The following SBF2 variants were observed in gnomAD, a reference collection of about 807,000 sequenced individuals.
The protein encoded by SBF2 is myotubularin-related protein 13.
A neutral mutation model predicts 225.2 loss-of-function variants in SBF2; 112 were observed. The ratio of observed to expected loss-of-function variants is 0.50; its 90% CI spans 0.43 to 0.58. SBF2 has a LOEUF of 0.58. Among genes scored for constraint, SBF2 ranks in the 20% least tolerant of loss-of-function variants. SBF2 has a pLI of 0.00. For missense variants in SBF2, 1,996 were observed against 2,206.2 expected, an observed-to-expected ratio of 0.90 and a Z score of 1.91; for synonymous variants, 763 against 773.3, an observed-to-expected ratio of 0.99 and a Z score of 0.22.
chr11:10,170,641 G>A (rs1956146947), intron 2 of SBF2, among the ~76,000 whole-genome samples: 1 of 150,604 alleles, frequency 6.6e-6, no homozygotes, highest in South Asian at 2.1e-4. Flanking sequence ...GTCTTTTTTT[G>A]CCTCCATATA....
intron 13 of SBF2, among the ~76,000 whole-genome samples, chr11:9,975,750 T>C (rs1946651862): frequency 6.6e-6 from 1 of 152,198 alleles, no homozygotes; most frequent in Non-Finnish European, 1.5e-5. Context: ...ATTATCTATA[T>C]AAGTCGTTTA....
intron 3 of SBF2, among the ~76,000 whole-genome samples, chr11:10,033,020 T>A (rs1565155413): frequency 6.6e-6 from 1 of 152,238 alleles, no homozygotes; most frequent in Non-Finnish European, 1.5e-5. Flanking sequence ...ACTATCTGTT[T>A]AGTTTTTGTA....
chr11:9,817,832 G>T (rs1046697345), intron 28 of SBF2, among the ~76,000 whole-genome samples: 1 of 151,962 alleles, frequency 6.6e-6, no homozygotes, highest in Non-Finnish European at 1.5e-5. Context: ...GGAGGTGGAG[G>T]TTGCAGTGAG....
chr11:10,151,282 T>C (rs933770519), intron 2 of SBF2, among the ~76,000 whole-genome samples: 1 of 152,194 alleles, frequency 6.6e-6, no homozygotes, highest in African/African-American at 2.4e-5. Context: ...CGCTCAGCCA[T>C]CTGGATCCAT....
chr11:10,216,910 G>A lies in SBF2; in HGVS notation c.56-22923C>T, dbSNP rs550239051. ...AAAAAAAAGTAGAAAGGGATAAAAA[G>A]TGGAACTCATCTTAAGAAAATGCAA... On this transcript the variant is annotated intron_variant, in intron 1 of 39. Transcript: ENST00000256190. 3.9e-5 allele frequency among the ~76,000 whole-genome samples: 6 copies of A among 152,134 alleles called. No individual in the cohort carries two copies. In the South Asian group the frequency reaches 1.2e-3, roughly 32 times the overall value.
At chr11:10,267,422 T>C (rs1031791869) in intron 1 of SBF2, among the ~76,000 whole-genome samples, 3 of 151,590 alleles carry the variant, frequency 2.0e-5, no homozygotes, top group Non-Finnish European at 2.9e-5. Context: ...TGGCAGTGAC[T>C]GTGAAAACAG....
intron 28 of SBF2, chr11:9,828,326 C>T: frequency 2.5e-6 from 3 of 1,204,306 alleles, no homozygotes; most frequent in Non-Finnish European, 3.2e-6. Flanking sequence ...TGCTGCCAAA[C>T]ATTGTACTTT....
intron 2 of SBF2, among the ~76,000 whole-genome samples, chr11:10,114,141 A>C (rs1468722954): frequency 2.6e-5 from 4 of 152,200 alleles, no homozygotes; most frequent in Non-Finnish European, 5.9e-5. Context: ...GAATAAAAAC[A>C]GTACTTTCTC....
intron 1 of SBF2, among the ~76,000 whole-genome samples, chr11:10,222,629 G>C (rs1475637396): frequency 2.0e-5 from 3 of 152,136 alleles, no homozygotes; most frequent in Non-Finnish European, 4.4e-5. Flanking sequence ...CCTCATGACT[G>C]GTCTGCACAT....
intron 26 of SBF2, among the ~76,000 whole-genome samples, chr11:9,835,630 T>TTAAAAAAAAAAA: frequency 2.5e-4 from 1 of 3,988 alleles, no homozygotes; most frequent in Non-Finnish European, 8.1e-4. Flanking sequence ...AGACCTTGTC[T>TTAAAAAAAAAAA]CAAAAAAAAA....
At chr11:10,040,551 C>T (rs1474651552) in intron 3 of SBF2, among the ~76,000 whole-genome samples, 1 of 151,582 alleles carries the variant, frequency 6.6e-6, no homozygotes. Flanking sequence ...GTACTAGATC[C>T]TGTACTGGAA....
chr11:10,170,234 T>C (rs572991059), intron 2 of SBF2, among the ~76,000 whole-genome samples: 1 of 152,294 alleles, frequency 6.6e-6, no homozygotes, highest in African/African-American at 2.4e-5. Context: ...TTCTCCCATG[T>C]TTTCATGTAG....
chr11:10,202,164 T>C (rs149482117), intron 1 of SBF2, among the ~76,000 whole-genome samples: 3 of 152,330 alleles, frequency 2.0e-5, no homozygotes, highest in East Asian at 3.9e-4. Flanking sequence ...GAAAGAATGA[T>C]TGGCAGTCTG....
intron 1 of SBF2, among the ~76,000 whole-genome samples, chr11:10,249,575 A>G (rs1960150061): frequency 6.6e-6 from 1 of 152,130 alleles, no homozygotes; most frequent in Non-Finnish European, 1.5e-5. Flanking sequence ...TAAATGAATG[A>G]CTTACAGTAA....
chr11:10,294,116 G>T lies in SBF2; in HGVS notation c.-47C>A. The T allele has an allele frequency of 7.8e-7, 1 of 1,276,566 alleles. No homozygotes were observed. Among genetic ancestry groups the T allele is most frequent in the Non-Finnish European group, 1.0e-6 (1 of 1,002,888 alleles). The allele number at this position is 1,276,566 out of a possible 1,614,324, so 79.1% of individuals were successfully genotyped here. ...GAAGCGGGTCCCCGTCGCCGCCCTC[G>T]CCGCCGCCGCCCACCCGGCCCGGGA... On this transcript the variant is annotated 5_prime_UTR_variant, in exon 1 of 40. Transcript: ENST00000256190.
intron 24 of SBF2, among the ~76,000 whole-genome samples, chr11:9,844,426 A>C (rs1856395733): frequency 6.6e-6 from 1 of 152,232 alleles, no homozygotes; most frequent in Non-Finnish European, 1.5e-5. Flanking sequence ...CATGGTTAAC[A>C]GTGAATGAAA....
chr11:10,032,137 T>C (rs1949283796), intron 3 of SBF2, among the ~76,000 whole-genome samples: 3 of 152,194 alleles, frequency 2.0e-5, no homozygotes, highest in South Asian at 4.1e-4. Flanking sequence ...CTTATACATA[T>C]ATATTTTACC....
chr11:9,825,778 T>C (rs562673053), intron 28 of SBF2, among the ~76,000 whole-genome samples: 17 of 152,274 alleles, frequency 1.1e-4, no homozygotes, highest in Admixed American at 1.0e-3. Context: ...AAAATAACCA[T>C]AAAACCCTTG....
chr11:9,806,963 T>C (rs572807511), intron 32 of SBF2, among the ~76,000 whole-genome samples: 1 of 152,322 alleles, frequency 6.6e-6, no homozygotes, highest in South Asian at 2.1e-4. Context: ...AAGTGATTAC[T>C]AGAATAAAAA....
Sources: allele counts gnomAD v4.1 joint callset (sites outside exome capture counted in the v4.1 genomes callset), GRCh38; gene constraint gnomAD v4.1.1; transcripts MANE v1.5; gene names NCBI Gene and HGNC (gene_info 2026-07-23, HGNC 2026-07-21).